The following FLT3 variants were observed in gnomAD, a reference collection of about 807,000 sequenced individuals.
FLT3 encodes the protein receptor-type tyrosine-protein kinase FLT3.
A neutral mutation model predicts 126.6 loss-of-function variants in FLT3; 46 were observed. The observed-to-expected ratio is 0.36, with a 90% confidence interval of 0.29 to 0.46. The LOEUF (loss-of-function observed/expected upper bound fraction) is 0.46, where lower values mean the gene tolerates loss of function less well. FLT3 is among the 20% of genes least tolerant of loss of function. The pLI is 1.00. For synonymous variants in FLT3, 404 were observed against 434.4 expected (o/e 0.93, Z 0.87); for missense variants, 1,069 against 1,190.3 (o/e 0.90, Z 1.50).
Position 28,070,556 on chromosome 13 carries a change from T to G in FLT3, c.100A>C (p.Lys34Gln). 6.2e-7 allele frequency: 1 copy of G among 1,604,544 alleles called. No homozygotes were observed. Among genetic ancestry groups the G allele is most frequent in the Non-Finnish European group, 8.5e-7 (1 of 1,171,832 alleles). ...TITNQDLPVI[K>Q]CVLINHKNND... is the part of the protein sequence containing the mutation. ...TTCTTATGATTGATTAAAACACACT[T>G]GATCACAGGCAGATCTTGATTTGTA... The change falls in exon 2 of 24, where the codon AAG becomes CAG. Residue 34 changes from lysine to glutamine, a missense_variant. Coordinates refer to ENST00000241453, the MANE Select transcript of FLT3 (RefSeq NM_004119.3).
intron 2 of FLT3, 143 bp from the exon 3 acceptor site, chr13:28,062,212 G>A (rs138419807): frequency 1.1e-4 from 68 of 617,874 alleles, no homozygotes; most frequent in South Asian, 7.6e-4. Flanking sequence ...CTGAGAACAC[G>A]TTGCCGACTG....
chr13:28,060,884 C>T (rs532179723), intron 3 of FLT3, among the ~76,000 whole-genome samples: 187 of 151,900 alleles, frequency 1.2e-3, no homozygotes, highest in African/African-American at 4.0e-3. Flanking sequence ...GGATTACAGG[C>T]ATGAGCCACT....
At chr13:28,017,945 T>C (rs1593219551) in intron 20 of FLT3, among the ~76,000 whole-genome samples, 2 of 152,200 alleles carry the variant, frequency 1.3e-5, no homozygotes, top group South Asian at 4.1e-4. Context: ...ATTACAGGCA[T>C]GAGCCACTGC....
chr13:28,033,152 CAA>C (rs755989941), intron 15 of FLT3, among the ~76,000 whole-genome samples: 4 of 138,350 alleles, frequency 2.9e-5, no homozygotes, highest in Admixed American at 7.1e-5. Flanking sequence ...ACCGTATCTA[CAA>C]AAAAAAAAAA....
intron 4 of FLT3, among the ~76,000 whole-genome samples, chr13:28,054,845 T>C (rs1231672064): frequency 3.9e-5 from 6 of 152,234 alleles, no homozygotes; most frequent in Non-Finnish European, 7.3e-5. Context: ...CCTAAGTTTA[T>C]CTTTTAACAT....
chr13:28,003,939 A>C lies in FLT3; in HGVS notation c.*113T>G, dbSNP rs1409889527. 1 of 1,248,824 alleles carries C rather than the reference A, an allele frequency of 8.0e-7. No individual in the cohort carries two copies. The highest frequency in any genetic ancestry group is 1.1e-6 in the Non-Finnish European group (1 of 873,640). 77.4% of individuals were successfully genotyped at this position (1,248,824 alleles called of 1,614,324 possible). A position where few individuals can be genotyped will look rare whatever the true frequency, so the allele number is the denominator to read the frequency against. On this transcript the variant is annotated 3_prime_UTR_variant, in exon 24 of 24. Transcript: ENST00000241453. Reference sequence around the variant, plus strand: ...CAGCTTCTAGAGAAAAGTCTGGTGAAGCAGCAGTTGATAATAGATTTTCTT... The same window carrying C: ...CAGCTTCTAGAGAAAAGTCTGGTGACGCAGCAGTTGATAATAGATTTTCTT...
At chr13:28,085,267 C>A (rs555773732) in intron 1 of FLT3, among the ~76,000 whole-genome samples, 1 of 141,288 alleles carries the variant, frequency 7.1e-6, no homozygotes, top group Non-Finnish European at 1.5e-5. Context: ...CTACTTGAGC[C>A]GGGGAGGCAG....
intron 3 of FLT3, among the ~76,000 whole-genome samples, chr13:28,059,820 C>T (rs1481652723): frequency 1.3e-5 from 2 of 151,750 alleles, no homozygotes; most frequent in African/African-American, 4.8e-5. Context: ...ATTAGCTGGG[C>T]GTGGTGGCAG....
chr13:28,050,278 A>G, intron 5 of FLT3, 56 bp from the exon 6 acceptor site: 1 of 1,566,730 alleles, frequency 6.4e-7, no homozygotes, highest in African/African-American at 1.4e-5. Flanking sequence ...TTACAAATGA[A>G]TGCTCAAGAG....
At chr13:28,030,558 G>A (rs1488304620) in intron 15 of FLT3, among the ~76,000 whole-genome samples, 1 of 152,092 alleles carries the variant, frequency 6.6e-6, no homozygotes, top group Non-Finnish European at 1.5e-5. Context: ...TGACAATACA[G>A]TGCCATAAAT....
chr13:28,091,388 A>T (rs1443710075), intron 1 of FLT3, among the ~76,000 whole-genome samples: 1 of 146,870 alleles, frequency 6.8e-6, no homozygotes, highest in East Asian at 2.0e-4. Flanking sequence ...CGCCCGGCTA[A>T]TTTTTTGTAT....
In FLT3 at chr13:28,048,430, T is replaced by C; in HGVS notation, c.1050A>G (p.Ile350Met). 1 of 1,601,356 alleles carries C rather than the reference T, an allele frequency of 6.2e-7. No homozygotes were observed. Among genetic ancestry groups the C allele is most frequent in the Non-Finnish European group, 8.6e-7 (1 of 1,169,264 alleles). The change falls in exon 9 of 24, where the codon ATA becomes ATG. Residue 350 changes from isoleucine to methionine, a missense_variant. Ile to Met is a conservative substitution (Grantham distance 10). Transcript: ENST00000241453. ...AATCTTCACTTGAATTGGTAGCATT[T>C]ATAAATCCCTTTTCTGTAAGAAAAA... ...ALVTIVEKGF[I>M]NATNSSEDYE...
At chr13:28,016,395 C>T (rs949380753) in intron 20 of FLT3, among the ~76,000 whole-genome samples, 4 of 152,050 alleles carry the variant, frequency 2.6e-5, no homozygotes, top group Admixed American at 6.6e-5. Flanking sequence ...CTCAGCCTCC[C>T]GAGTAGCTGG....
chr13:28,035,858 A>G (rs1873787688), intron 11 of FLT3, 77 bp downstream of exon 11: 3 of 1,272,972 alleles, frequency 2.4e-6, no homozygotes, highest in Admixed American at 3.5e-5. Context: ...TTCCTCTTAA[A>G]CTGTATTCAT....
At chr13:28,019,210 A>G (rs1263450433) in intron 19 of FLT3, among the ~76,000 whole-genome samples, 1 of 151,930 alleles carries the variant, frequency 6.6e-6, no homozygotes, top group African/African-American at 2.4e-5. Context: ...CAGGTGATCC[A>G]CCCACCTCGG....
In FLT3 at chr13:28,091,207, C is replaced by CTTTTTTTTTTTTTTT. The variant is rs572410744; in HGVS notation, c.43+9246_43+9260dup. Among the ~76,000 whole-genome samples the CTTTTTTTTTTTTTTT allele has an allele frequency of 4.9e-4, 18 of 36,580 alleles. 2 individuals carry two copies. The highest frequency in any genetic ancestry group is 2.0e-3 in the African/African-American group (18 of 8,816). 24.0% of individuals were successfully genotyped at this position (36,580 alleles called of 152,430 possible). ...ATTTATCCTCTTTGGGCCCCATTTT[C>CTTTTTTTTTTTTTTT]TTTTTTTTTTTTTTTTTTTTTTTTT... On this transcript the variant is annotated intron_variant, in intron 1 of 23. Coordinates refer to ENST00000241453, the MANE Select transcript of FLT3 (RefSeq NM_004119.3).
chr13:28,053,767 A>ATTT (rs56667135), intron 4 of FLT3, among the ~76,000 whole-genome samples: 78 of 149,104 alleles, frequency 5.2e-4, no homozygotes, highest in African/African-American at 1.8e-3. Flanking sequence ...TACTTTATTC[A>ATTT]TTTTTTTTTT....
intron 12 of FLT3, 128 bp from the exon 13 acceptor site, chr13:28,034,535 C>T: frequency 1.5e-6 from 1 of 673,364 alleles, no homozygotes; most frequent in South Asian, 1.8e-5. Context: ...AACAACCACT[C>T]TACATATACT....
At chr13:28,062,883 C>A (rs1175116185) in intron 2 of FLT3, among the ~76,000 whole-genome samples, 37 of 152,074 alleles carry the variant, frequency 2.4e-4, no homozygotes, top group Non-Finnish European at 2.6e-4. Context: ...AAGGAACCAA[C>A]CCTGCTGACA....
Sources: gnomAD v4.1 joint callset for allele counts (sites outside exome capture counted in the v4.1 genomes callset) on GRCh38, gnomAD v4.1.1 for gene constraint, MANE v1.5 for transcripts, NCBI Gene and HGNC (gene_info 2026-07-23, HGNC 2026-07-21) for gene names.